CNST: variants seen among roughly 807,000 people sequenced by gnomAD.
The protein encoded by CNST is consortin.
CNST carries 39 observed loss-of-function variants against 72.4 expected under a neutral mutation model. The ratio of observed to expected loss-of-function variants is 0.54; its 90% CI spans 0.42 to 0.70. The LOEUF is 0.70. Among genes scored for constraint, CNST ranks in the 30% least tolerant of loss-of-function variants. The pLI is 0.00. For synonymous variants in CNST, 332 were observed against 320.1 expected, an observed-to-expected ratio of 1.04 and a Z score of -0.40; for missense variants, 871 against 868.5, an observed-to-expected ratio of 1.00 and a Z score of -0.04.
intron 1 of CNST, among the ~76,000 whole-genome samples, chr1:246,571,857 G>A (rs1281108846): frequency 2.0e-5 from 3 of 152,164 alleles, no homozygotes; most frequent in Non-Finnish European, 4.4e-5. Context: ...TAAATTGACA[G>A]TATCTAGGCA....
At chr1:246,637,261 G>A (rs1391907746) in intron 6 of CNST, among the ~76,000 whole-genome samples, 2 of 152,174 alleles carry the variant, frequency 1.3e-5, no homozygotes, top group Non-Finnish European at 2.9e-5. Flanking sequence ...TGCATGCTGA[G>A]TATCACAGCG....
intron 1 of CNST, among the ~76,000 whole-genome samples, chr1:246,575,865 A>G (rs910571431): frequency 2.0e-5 from 3 of 152,188 alleles, no homozygotes; most frequent in African/African-American, 7.2e-5. Context: ...TTTTATTTCA[A>G]TGATAAAAAA....
chr1:246,655,325 G>A (rs906854562), intron 9 of CNST, among the ~76,000 whole-genome samples: 4 of 152,090 alleles, frequency 2.6e-5, no homozygotes, highest in Non-Finnish European at 4.4e-5. Flanking sequence ...CTGTATTGCA[G>A]TGTTCTAAGA....
chr1:246,585,663 ATATACACAC>A (rs1661107135), intron 1 of CNST, among the ~76,000 whole-genome samples: 1 of 41,882 alleles, frequency 2.4e-5, no homozygotes, highest in Non-Finnish European at 4.4e-5. Context: ...AAAAAAAAAA[ATATACACAC>A]ACACACACAC....
chr1:246,622,149 A>G (rs1664133934), intron 3 of CNST, among the ~76,000 whole-genome samples: 1 of 152,216 alleles, frequency 6.6e-6, no homozygotes, highest in Non-Finnish European at 1.5e-5. Context: ...GCCTTGGCTA[A>G]TCCATAGTTT....
At chr1:246,614,509 TA>T (rs1164774233) in intron 2 of CNST, among the ~76,000 whole-genome samples, 9 of 96,552 alleles carry the variant, frequency 9.3e-5, no homozygotes, top group South Asian at 9.1e-4. Context: ...TTGACTGCAA[TA>T]AATTTTTTTT....
chr1:246,587,187 C>T (rs994519422), intron 1 of CNST, among the ~76,000 whole-genome samples: 1 of 152,188 alleles, frequency 6.6e-6, no homozygotes, highest in Admixed American at 6.5e-5. Flanking sequence ...CGGTCTGGTA[C>T]TCCCAGGCTG....
rs1228385599 is a variant in CNST, at chr1:246,590,416, T to C, written c.-51-1096T>C. On this transcript the variant is annotated intron_variant, in intron 1 of 10. Coordinates refer to ENST00000366513, the MANE Select transcript of CNST (RefSeq NM_152609.3). ...AGGGTCGTCTGGCTATTTATCTTACTTCTGTTTCTTTCCAACTTTTTGCTT... is the reference window on the plus strand; with the variant it reads ...AGGGTCGTCTGGCTATTTATCTTACCTCTGTTTCTTTCCAACTTTTTGCTT... Among the ~76,000 whole-genome samples the C allele has an allele frequency of 2.0e-5, 3 of 152,278 alleles. No homozygotes were observed. In the East Asian group the frequency reaches 5.8e-4, roughly 29 times the overall value.
At chr1:246,596,208 A>C (rs1333909489) in intron 2 of CNST, among the ~76,000 whole-genome samples, 1 of 152,130 alleles carries the variant, frequency 6.6e-6, no homozygotes, top group African/African-American at 2.4e-5. Context: ...TGAGCCAAGG[A>C]GTTTGTGACC....
At chr1:246,580,113 TC>T (rs1379599330) in intron 1 of CNST, among the ~76,000 whole-genome samples, 3 of 152,212 alleles carry the variant, frequency 2.0e-5, no homozygotes, top group Non-Finnish European at 4.4e-5. Flanking sequence ...GGGCTTATCT[TC>T]TTGAAAGTGG....
At chr1:246,596,889 A>G (rs1661924463) in intron 2 of CNST, among the ~76,000 whole-genome samples, 1 of 152,202 alleles carries the variant, frequency 6.6e-6, no homozygotes, top group African/African-American at 2.4e-5. Flanking sequence ...TTTGTAGCAT[A>G]TATCAGTACT....
chr1:246,651,615 C>T (rs781319680), intron 9 of CNST, among the ~76,000 whole-genome samples: 1 of 152,116 alleles, frequency 6.6e-6, no homozygotes, highest in Non-Finnish European at 1.5e-5. Context: ...CTAAAAATGT[C>T]TATACTATTT....
intron 6 of CNST, among the ~76,000 whole-genome samples, chr1:246,639,548 GA>G (rs1665541433): frequency 6.6e-6 from 1 of 152,044 alleles, no homozygotes; most frequent in Non-Finnish European, 1.5e-5. Context: ...GGGGAGACCC[GA>G]TACCCCCACT....
intron 2 of CNST, among the ~76,000 whole-genome samples, chr1:246,597,764 G>A (rs1048923971): frequency 1.3e-5 from 2 of 152,092 alleles, no homozygotes; most frequent in Non-Finnish European, 2.9e-5. Flanking sequence ...TTTGAGTCTC[G>A]GTTCTGCCTG....
chr1:246,647,582 C>T lies in CNST; in HGVS notation c.1381C>T (p.Arg461Cys), dbSNP rs139917858. 1.0e-4 allele frequency: 163 copies of T among 1,614,050 alleles called. No homozygotes were observed. The highest frequency in any genetic ancestry group is 1.6e-4 in the Middle Eastern group (1 of 6,084). Residue 461 changes from arginine (R) to cysteine (C), a missense_variant, in exon 9 of 11, where the codon CGT becomes TGT. Coordinates refer to ENST00000366513, the MANE Select transcript of CNST (RefSeq NM_152609.3). ...TTCACAGGCTCAGAGGAAAGAACTC[C>T]GTTTGCCACTTCGGGATGCTTCTGA... is the stretch of plus-strand genomic sequence containing the variant. ...KYSQAQRKEL[R>C]LPLRDASEAL...
intron 9 of CNST, among the ~76,000 whole-genome samples, chr1:246,650,676 CTT>C (rs10693662): frequency 4.7e-5 from 6 of 127,646 alleles, no homozygotes; most frequent in East Asian, 2.2e-4. Flanking sequence ...TTAATTCAAA[CTT>C]TTTTTTTTTT....
chr1:246,607,098 T>C (rs1034240842), intron 2 of CNST: 7 of 152,066 alleles, frequency 4.6e-5, no homozygotes, highest in Non-Finnish European at 1.0e-4. Context: ...GCGTTGACTG[T>C]TAGGGTTTGG....
intron 2 of CNST, among the ~76,000 whole-genome samples, chr1:246,604,191 C>T (rs183569636): frequency 4.8e-4 from 73 of 151,968 alleles, no homozygotes; most frequent in African/African-American, 1.7e-3. Flanking sequence ...GTGGCAGAGG[C>T]TGCAGTGAGC....
chr1:246,646,728 C>T (rs756878126), intron 8 of CNST, among the ~76,000 whole-genome samples: 35 of 152,220 alleles, frequency 2.3e-4, no homozygotes, highest in Non-Finnish European at 4.7e-4. Flanking sequence ...GATCCGCCCA[C>T]CTCGGCCTCC....
Sources: allele counts gnomAD v4.1 joint callset (sites outside exome capture counted in the v4.1 genomes callset), GRCh38; gene constraint gnomAD v4.1.1; transcripts MANE v1.5; gene names NCBI Gene and HGNC (gene_info 2026-07-23, HGNC 2026-07-21).